The following GMEB2 variants were observed in gnomAD, a reference collection of about 807,000 sequenced individuals.
GMEB2 encodes glucocorticoid modulatory element-binding protein 2.
A neutral mutation model predicts 45.7 loss-of-function variants in GMEB2; 7 were observed. The ratio of observed to expected loss-of-function variants is 0.15; its 90% CI spans 0.09 to 0.29. The LOEUF (loss-of-function observed/expected upper bound fraction) is 0.29, where lower values mean the gene tolerates loss of function less well. Among genes scored for constraint, GMEB2 ranks in the 10% least tolerant of loss-of-function variants. The pLI, the probability that GMEB2 is intolerant of heterozygous loss-of-function variation, is 1.00. For missense variants in GMEB2, 582 were observed against 739.2 expected (o/e 0.79, Z 2.47); for synonymous variants, 322 against 323.6 (o/e 1.00, Z 0.05).
At chr20:63,620,662 A>G (rs2089638103) in intron 1 of GMEB2, among the ~76,000 whole-genome samples, 1 of 152,216 alleles carries the variant, frequency 6.6e-6, no homozygotes, top group African/African-American at 2.4e-5. Flanking sequence ...AGTGCACTGG[A>G]AAGTCTCTAA....
intron 4 of GMEB2, among the ~76,000 whole-genome samples, chr20:63,598,461 G>A (rs963990525): frequency 1.3e-5 from 2 of 152,024 alleles, no homozygotes; most frequent in African/African-American, 4.8e-5. Flanking sequence ...AAAATATCCT[G>A]TTCAATCTTG....
chr20:63,606,999 C>T (rs958942164), intron 2 of GMEB2, among the ~76,000 whole-genome samples: 2 of 152,206 alleles, frequency 1.3e-5, no homozygotes, highest in Non-Finnish European at 2.9e-5. Context: ...ATGAGGAGGG[C>T]ACTCCGCCTG....
At chr20:63,603,624 AAGGCTGAGGCAGG>A (rs1051384838) in intron 3 of GMEB2, among the ~76,000 whole-genome samples, 1 of 151,836 alleles carries the variant, frequency 6.6e-6, no homozygotes. Context: ...AGCTACTGGG[AAGGCTGAGGCAGG>A]AGGCTGAGGC....
intron 2 of GMEB2, among the ~76,000 whole-genome samples, chr20:63,618,026 GA>G (rs1182109751): frequency 6.6e-6 from 1 of 152,088 alleles, no homozygotes; most frequent in African/African-American, 2.4e-5. Flanking sequence ...CAGCTGAGGA[GA>G]CGTGGACACC....
At position 63,590,743 on chromosome 20, in the gene GMEB2, C is replaced by T. The variant is rs1173872705; in HGVS notation, c.953-14G>A. 1 of 1,467,434 alleles carries T rather than the reference C, an allele frequency of 6.8e-7. No homozygotes were observed. Among genetic ancestry groups the T allele is most frequent in the East Asian group, 2.5e-5 (1 of 40,290 alleles). 90.9% of individuals were successfully genotyped at this position (1,467,434 alleles called of 1,614,324 possible). On this transcript the variant is annotated splice_polypyrimidine_tract_variant and intron_variant, in intron 9 of 9. Transcript: ENST00000370077. ...GCTGCTCCAGGGCTGCAGGGAGGTA[C>T]AGATGGCATCACACAGGGGACGGGG...
In GMEB2 at chr20:63,592,243, T is replaced by C. The variant is rs757888263; in HGVS notation, c.830-99A>G. On this transcript the variant is annotated intron_variant, in intron 8 of 9. Coordinates refer to ENST00000370077, the MANE Select transcript of GMEB2 (RefSeq NM_012384.5). This position sits in a 1 kb window ranked among gnomAD's most constrained non-coding sequence, Gnocchi z 8.2. The stretch of plus-strand genomic sequence containing the variant: ...CCCGGGACCTTCCTAGAGAGTCACG[T>C]GGACGCTCGGTGAGAGCCTGGGCTC... The C allele has an allele frequency of 1.1e-5, 13 of 1,162,896 alleles. No individual in the cohort carries two copies. The highest frequency in any genetic ancestry group is 1.6e-5 in the Non-Finnish European group (13 of 816,394). The allele number at this position is 1,162,896 out of a possible 1,614,324, so 72.0% of individuals were successfully genotyped here.
intron 3 of GMEB2, among the ~76,000 whole-genome samples, chr20:63,603,348 C>A (rs1248776525): frequency 1.3e-5 from 2 of 152,086 alleles, no homozygotes; most frequent in Non-Finnish European, 2.9e-5. Flanking sequence ...CAACTGAAGA[C>A]CCACTTAGGA....
At chr20:63,617,207 C>A (rs1601031957) in intron 2 of GMEB2, among the ~76,000 whole-genome samples, 1 of 152,042 alleles carries the variant, frequency 6.6e-6, no homozygotes, top group South Asian at 2.1e-4. Flanking sequence ...CTGAACTGGG[C>A]TCAAGTGATC....
chr20:63,591,493 G>T (rs2083147148), intron 9 of GMEB2, among the ~76,000 whole-genome samples: 1 of 152,092 alleles, frequency 6.6e-6, no homozygotes, highest in Non-Finnish European at 1.5e-5. Context: ...TTGAGACAGG[G>T]TCTCGCTCTG....
intron 5 of GMEB2, among the ~76,000 whole-genome samples, chr20:63,597,144 T>C (rs2083205890): frequency 6.7e-6 from 1 of 149,984 alleles, no homozygotes; most frequent in Non-Finnish European, 1.5e-5. Flanking sequence ...ACAGACCCTT[T>C]TCTTTTCCTT....
chr20:63,621,112 G>A (rs2089639990), intron 1 of GMEB2, among the ~76,000 whole-genome samples: 2 of 152,202 alleles, frequency 1.3e-5, no homozygotes, highest in Admixed American at 1.3e-4. Flanking sequence ...CTGGAGGATC[G>A]TTTGAGCCTA....
Position 63,619,280 on chromosome 20 carries a change from A to G in GMEB2, c.118T>C (p.Leu40=), listed in dbSNP as rs779641025. 2 of 1,611,116 alleles carry G rather than the reference A, an allele frequency of 1.2e-6. No individual in the cohort carries two copies. The highest frequency in any genetic ancestry group is 1.7e-6 in the Non-Finnish European group (2 of 1,179,366). Residue 40 remains leucine, a synonymous_variant, in exon 2 of 10, where the codon TTG becomes CTG. Coordinates refer to ENST00000370077, the MANE Select transcript of GMEB2 (RefSeq NM_012384.5). This position sits in a 1 kb window ranked among gnomAD's most constrained non-coding sequence, Gnocchi z 4.6. ...GCCCGAGCTTACCCGTGAGGGGCCA[A>G]GTTGGTCGTCACCAACACGGTCTTC... ...GVKTVLVTTN[L]APHGGDLTED...
At chr20:63,620,787 T>C (rs1242886104) in intron 1 of GMEB2, among the ~76,000 whole-genome samples, 1 of 152,108 alleles carries the variant, frequency 6.6e-6, no homozygotes, top group African/African-American at 2.4e-5. Flanking sequence ...CTGTGAAACT[T>C]AAAACAAGAC....
At chr20:63,613,671 C>G (rs925555877) in intron 2 of GMEB2, among the ~76,000 whole-genome samples, 1 of 152,086 alleles carries the variant, frequency 6.6e-6, no homozygotes, top group Non-Finnish European at 1.5e-5. Flanking sequence ...CCCGCCACCA[C>G]GCCTGGCTAA....
At position 63,589,593 on chromosome 20, in the gene GMEB2, A is replaced by C; in HGVS notation, c.*496T>G. On this transcript the variant is annotated 3_prime_UTR_variant, in exon 10 of 10. Coordinates refer to ENST00000370077, the MANE Select transcript of GMEB2 (RefSeq NM_012384.5). ...AAAACTGTGGGAAGAAACCAAATCC[A>C]TAGGATCCAGAGGTTTCACACTTGG... The C allele has an allele frequency of 5.6e-6, 1 of 177,938 alleles. No homozygotes were observed. 11.0% of individuals were successfully genotyped at this position (177,938 alleles called of 1,614,324 possible).
chr20:63,621,799 A>C (rs1006852178), intron 1 of GMEB2, among the ~76,000 whole-genome samples: 4 of 151,998 alleles, frequency 2.6e-5, no homozygotes, highest in African/African-American at 9.7e-5. Context: ...TATAGACTAG[A>C]AAGTACAGAA....
At chr20:63,621,765 A>G (rs938863628) in intron 1 of GMEB2, among the ~76,000 whole-genome samples, 3 of 151,998 alleles carry the variant, frequency 2.0e-5, no homozygotes, top group Non-Finnish European at 4.4e-5. Flanking sequence ...TGCTACTATA[A>G]TAGAATGACT....
At chr20:63,594,335 C>G (rs545185874) in intron 6 of GMEB2, among the ~76,000 whole-genome samples, 1 of 152,376 alleles carries the variant, frequency 6.6e-6, no homozygotes, top group African/African-American at 2.4e-5. Flanking sequence ...GGCAGGCGGT[C>G]AGGCAGGGCC....
Position 63,601,954 on chromosome 20 carries a change from T to C in GMEB2, c.357+1011A>G, listed in dbSNP as rs906999937. Among the ~76,000 whole-genome samples the C allele has an allele frequency of 1.1e-3, 162 of 151,852 alleles. 1 individual carries two copies. The highest frequency in any genetic ancestry group is 3.8e-3 in the African/African-American group (156 of 41,390). ...TGCTGCCTGTGGCTTCTGTGGGGCC[T>C]GTGGCTTCTGTGCTGCCTGTGGCTT... is the stretch of plus-strand genomic sequence containing the variant. On this transcript the variant is annotated intron_variant, in intron 4 of 9. Transcript: ENST00000370077.
Sources: allele counts gnomAD v4.1 joint callset (sites outside exome capture counted in the v4.1 genomes callset), GRCh38; gene constraint gnomAD v4.1.1; non-coding constraint Gnocchi (gnomAD v3.1); transcripts MANE v1.5; gene names NCBI Gene and HGNC (gene_info 2026-07-23, HGNC 2026-07-21).